MED13L: variants seen among roughly 807,000 people sequenced by gnomAD.
The protein encoded by MED13L is mediator complex subunit 13L, also known as mediator of RNA polymerase II transcription subunit 13-like.
MED13L carries 7 observed loss-of-function variants against 220.9 expected under a neutral mutation model. The observed-to-expected ratio is 0.03, with a 90% CI of 0.02 to 0.06. The LOEUF (loss-of-function observed/expected upper bound fraction) is 0.06, where lower values mean the gene tolerates loss of function less well. MED13L is among the 10% of genes least tolerant of loss of function. MED13L has a pLI of 1.00. For synonymous variants in MED13L, 1,011 were observed against 1,015.2 expected, an observed-to-expected ratio of 1.00 and a Z score of 0.08; for missense variants, 1,965 against 2,760.5, an observed-to-expected ratio of 0.71 and a Z score of 6.46.
In MED13L at chr12:116,237,499, G is replaced by T; in HGVS notation, c.279C>A (p.Asn93Lys). The change falls in exon 2 of 31, where the codon AAC becomes AAA. Residue 93 changes from asparagine (N) to lysine (K), a missense_variant. By Grantham distance (94) the Asn-to-Lys change is moderately conservative (BLOSUM62 0). Transcript: ENST00000281928. ...LWIFWWGDEP[N>K]LVGVIHHELQ... ...GTTCATGATGTATTACACCCACTAG[G>T]TTGGGTTCATCTCCCCACCAGAATA... 6.2e-7 allele frequency: 1 copy of T among 1,613,236 alleles called. No homozygotes were observed. The highest frequency in any genetic ancestry group is 8.5e-7 in the Non-Finnish European group (1 of 1,179,168).
At position 116,015,266 on chromosome 12, in the gene MED13L, C is replaced by T; in HGVS notation, c.1018G>A (p.Gly340Arg). ...SPEQAILGES[G>R]GMQSAASHLV... ...TGACTGGCAGCACTCTGCATACCTC[C>T]ACTCTCACCTGAAAAAAAAGGCAAT... The change falls in exon 8 of 31, where the codon GGA becomes AGA. Residue 340 changes from glycine to arginine, a missense_variant. Coordinates refer to ENST00000281928, the MANE Select transcript of MED13L (RefSeq NM_015335.5). The T allele has an allele frequency of 6.2e-7, 1 of 1,613,784 alleles. No individual in the cohort carries two copies. The highest frequency in any genetic ancestry group is 8.5e-7 in the Non-Finnish European group (1 of 1,179,784).
At chr12:116,032,229 A>G (rs905731192) in intron 4 of MED13L, among the ~76,000 whole-genome samples, 2 of 152,212 alleles carry the variant, frequency 1.3e-5, no homozygotes, top group African/African-American at 4.8e-5. Flanking sequence ...ATGTAATTCT[A>G]ATCAATAGCC....
Position 116,111,498 on chromosome 12 carries a change from G to T in MED13L, c.325C>A (p.Leu109Ile). The part of the protein sequence containing the change: ...HHELQVVEEG[L>I]WENGLSYECR... ...TCATAGGAAAGGCCATTTTCCCAGA[G>T]TCCTTCTTCCACAACTGAAAAAAAA... Residue 109 changes from leucine to isoleucine, a missense_variant, in exon 3 of 31, where the codon CTC (leucine) becomes ATC (isoleucine). This residue lies in a region of MED13L where 818 missense variants were observed against 1,041.2 expected (regional missense o/e 0.79). Coordinates refer to ENST00000281928, the MANE Select transcript of MED13L (RefSeq NM_015335.5). The T allele has an allele frequency of 1.2e-6, 2 of 1,602,632 alleles. No homozygotes were observed. Among genetic ancestry groups the T allele is most frequent in the Non-Finnish European group, 8.5e-7 (1 of 1,176,164 alleles).
intron 13 of MED13L, among the ~76,000 whole-genome samples, chr12:116,004,077 AAAGAAT>A (rs951785188): frequency 6.6e-6 from 1 of 152,230 alleles, no homozygotes; most frequent in African/African-American, 2.4e-5. Context: ...TAATTTATAC[AAAGAAT>A]AAGTTCAGTG....
At chr12:116,045,671 A>G (rs1475042126) in intron 4 of MED13L, among the ~76,000 whole-genome samples, 1 of 152,180 alleles carries the variant, frequency 6.6e-6, no homozygotes, top group Non-Finnish European at 1.5e-5. Flanking sequence ...ACATTAACAT[A>G]ACAAATTTTC....
chr12:116,219,174 C>T (rs570417598), intron 2 of MED13L, among the ~76,000 whole-genome samples: 15 of 152,216 alleles, frequency 9.9e-5, no homozygotes, highest in Admixed American at 5.2e-4. Flanking sequence ...TAAATTTTAT[C>T]TTTCTGTACA....
chr12:115,996,406 TAACA>T, intron 16 of MED13L, 66 bp downstream of exon 16: 2 of 1,549,854 alleles, frequency 1.3e-6, no homozygotes, highest in East Asian at 4.5e-5. Context: ...TCATCATTTT[TAACA>T]AACATTTAGT....
intron 2 of MED13L, among the ~76,000 whole-genome samples, chr12:116,136,949 CA>C (rs1267423578): frequency 6.6e-6 from 1 of 152,128 alleles, no homozygotes; most frequent in Non-Finnish European, 1.5e-5. Context: ...TTAACATAAA[CA>C]GAAGACAATT....
intron 2 of MED13L, among the ~76,000 whole-genome samples, chr12:116,149,997 G>C (rs888568468): frequency 6.6e-6 from 1 of 152,098 alleles, no homozygotes; most frequent in Non-Finnish European, 1.5e-5. Flanking sequence ...CATTTTTAAT[G>C]AATGAATAAA....
intron 2 of MED13L, among the ~76,000 whole-genome samples, chr12:116,168,293 C>G (rs1304325269): frequency 6.6e-6 from 1 of 150,626 alleles, no homozygotes; most frequent in Non-Finnish European, 1.5e-5. Context: ...TATTTAACTC[C>G]ACGAATAGTG....
At chr12:115,965,016 G>A (rs1592892733) in intron 29 of MED13L, among the ~76,000 whole-genome samples, 1 of 152,156 alleles carries the variant, frequency 6.6e-6, no homozygotes, top group East Asian at 1.9e-4. Flanking sequence ...AAGAACACAT[G>A]CATTTTTATA....
In MED13L at chr12:115,958,840, A is replaced by C. The variant is rs1176691639; in HGVS notation, c.*2426T>G. On this transcript the variant is annotated 3_prime_UTR_variant, in exon 31 of 31. Transcript: ENST00000281928. Reference sequence around the variant, plus strand: ...TTGAAGGAAAAAAGGAAACAAAAGAAATTCAGAACTTCCCAGAAATGTACA... The same window carrying C: ...TTGAAGGAAAAAAGGAAACAAAAGACATTCAGAACTTCCCAGAAATGTACA... 2 of 152,614 alleles carry C rather than the reference A, an allele frequency of 1.3e-5. No homozygotes were observed. Among genetic ancestry groups the C allele is most frequent in the African/African-American group, 4.8e-5 (2 of 41,456 alleles). The allele number at this position is 152,614 out of a possible 1,614,324, so 9.5% of individuals were successfully genotyped here.
chr12:116,040,093 A>C (rs764443338), intron 4 of MED13L, among the ~76,000 whole-genome samples: 2 of 152,224 alleles, frequency 1.3e-5, no homozygotes, highest in Non-Finnish European at 2.9e-5. Flanking sequence ...CATAGCTCTC[A>C]GTGATATGTC....
At position 116,019,206 on chromosome 12, in the gene MED13L, C is replaced by T; in HGVS notation, c.1009+18G>A. 1 of 1,610,734 alleles carries T rather than the reference C, an allele frequency of 6.2e-7. No individual in the cohort carries two copies. The highest frequency in any genetic ancestry group is 8.5e-7 in the Non-Finnish European group (1 of 1,177,986). ...TCTGAGATCTCTTCTCCCCAGGACA[C>T]TCCTGGATCCTACTCACCTAGGATA... On this transcript the variant is annotated intron_variant, in intron 7 of 30. Transcript: ENST00000281928.
chr12:116,275,821 T>C (rs1873770506), intron 1 of MED13L, among the ~76,000 whole-genome samples: 1 of 152,228 alleles, frequency 6.6e-6, no homozygotes, highest in Non-Finnish European at 1.5e-5. Context: ...GTTCAGCCAA[T>C]TTTCCAATTA....
chr12:116,091,481 A>G (rs1357114038), intron 4 of MED13L, among the ~76,000 whole-genome samples: 1 of 152,212 alleles, frequency 6.6e-6, no homozygotes, highest in East Asian at 1.9e-4. Context: ...TATGTTTATG[A>G]AACTACAGAG....
intron 8 of MED13L, 135 bp from the exon 9 acceptor site, chr12:116,013,036 G>A: frequency 1.4e-6 from 1 of 699,184 alleles, no homozygotes; most frequent in Non-Finnish European, 2.6e-6. Flanking sequence ...AGCAACCAAT[G>A]AATAAAACAA....
rs1179911951 is a variant in MED13L, at chr12:116,174,514, A to G, written c.310+62954T>C. On this transcript the variant is annotated intron_variant, in intron 2 of 30. Transcript: ENST00000281928. ...TTTTTTTTTTTTACTGGGAAAAACA[A>G]AAAAGGTTTGGCTAAAGGAACCTAA... 5 of 152,136 alleles carry G rather than the reference A, an allele frequency of 3.3e-5. No homozygotes were observed. In the East Asian group the frequency reaches 9.7e-4, roughly 29 times the overall value. 9.4% of individuals were successfully genotyped at this position (152,136 alleles called of 1,614,324 possible).
intron 2 of MED13L, among the ~76,000 whole-genome samples, chr12:116,125,742 G>T (rs1565889653): frequency 6.6e-6 from 1 of 152,106 alleles, no homozygotes; most frequent in Non-Finnish European, 1.5e-5. Context: ...TTCCCTGTTT[G>T]TCTTCTTTTT....
Sources: gnomAD v4.1 joint callset for allele counts (sites outside exome capture counted in the v4.1 genomes callset) on GRCh38, gnomAD v4.1.1 for gene constraint, gnomAD v4.1.1 regional missense constraint, MANE v1.5 for transcripts, NCBI Gene and HGNC (gene_info 2026-07-23, HGNC 2026-07-21) for gene names.